Variants in DMD observed in about 807,000 individuals in gnomAD.
DMD encodes the protein mutant dystrophin.
A neutral mutation model predicts 330.1 loss-of-function variants in DMD; 63 were observed. The observed-to-expected ratio is 0.19, with a 90% confidence interval of 0.16 to 0.24. The LOEUF is 0.24. DMD is among the 10% of genes least tolerant of loss of function. The pLI is 1.00. For synonymous variants in DMD, 1,223 were observed against 959.8 expected (o/e 1.27, Z -5.07); for missense variants, 3,344 against 2,684.1 (o/e 1.25, Z -5.43).
chrX:32,476,223 A>C (rs2041222441), intron 21 of DMD, among the ~76,000 whole-genome samples: 1 of 111,307 alleles, frequency 9.0e-6, no homozygotes, highest in Admixed American at 9.6e-5. Context: ...GAAACACTTC[A>C]GTCTCTGAAT....
At chrX:31,634,872 T>C (rs1290562009) in intron 54 of DMD, among the ~76,000 whole-genome samples, 5 of 111,642 alleles carry the variant, frequency 4.5e-5, no homozygotes, top group African/African-American at 1.6e-4. Flanking sequence ...AATTAGTTGA[T>C]AAAGAAATGT....
chrX:32,186,072 A>C (rs2147518199), intron 44 of DMD, among the ~76,000 whole-genome samples: 1 of 111,082 alleles, frequency 9.0e-6, no homozygotes, highest in East Asian at 2.8e-4. Context: ...TTAAATGAAC[A>C]AGATCTGACA....
At chrX:32,328,593 T>A (rs763724014) in intron 41 of DMD, among the ~76,000 whole-genome samples, 1 of 110,386 alleles carries the variant, frequency 9.1e-6, no homozygotes, top group Non-Finnish European at 1.9e-5. Context: ...GCAACCAATA[T>A]AGAAACTTAG....
chrX:31,910,358 T>G (rs1314443570), intron 47 of DMD, among the ~76,000 whole-genome samples: 2 of 111,386 alleles, frequency 1.8e-5, no homozygotes, highest in Non-Finnish European at 3.8e-5. Context: ...CTTAGGTTAT[T>G]CTCCTTCTAA....
At chrX:32,903,571 G>C (rs1377612957) in intron 2 of DMD, among the ~76,000 whole-genome samples, 1 of 111,453 alleles carries the variant, frequency 9.0e-6, no homozygotes, top group Non-Finnish European at 1.9e-5. Context: ...CAGAGATTCT[G>C]ATTTAATTTA....
At chrX:31,278,925 G>C (rs1435128798) in intron 62 of DMD, among the ~76,000 whole-genome samples, 4 of 112,065 alleles carry the variant, frequency 3.6e-5, no homozygotes, top group Non-Finnish European at 5.6e-5. Context: ...TAATTATCAT[G>C]ATTTTTAAAA....
intron 9 of DMD, among the ~76,000 whole-genome samples, chrX:32,676,888 A>C (rs2062010504): frequency 1.8e-5 from 2 of 111,397 alleles, no homozygotes; most frequent in East Asian, 2.8e-4. Flanking sequence ...TCCTATCTTC[A>C]GTTTTCTCTA....
intron 4 of DMD, among the ~76,000 whole-genome samples, chrX:32,827,379 G>C (rs939972650): frequency 2.7e-5 from 3 of 111,191 alleles, no homozygotes; most frequent in Admixed American, 9.6e-5. Context: ...ATTGGGAATT[G>C]GAGATATTAT....
chrX:31,157,303 T>C (rs1233532887), intron 74 of DMD, among the ~76,000 whole-genome samples: 1 of 112,175 alleles, frequency 8.9e-6, no homozygotes, highest in Non-Finnish European at 1.9e-5. Flanking sequence ...CCTGATCAGA[T>C]GCTAATTCAT....
chrX:32,090,059 C>T (rs1269469203), intron 44 of DMD, among the ~76,000 whole-genome samples: 3 of 111,469 alleles, frequency 2.7e-5, no homozygotes, highest in South Asian at 3.7e-4. Flanking sequence ...AATAACAACC[C>T]GTAGTAAATA....
Position 31,478,187 on chromosome X carries a change from T to C in DMD, c.8856A>G (p.Gln2952=), listed in dbSNP as rs745428533. ...ATDELDLKLR[Q]AEVIKGSWQP... ...GCCAGGATCCCTTGATCACCTCAGCTTGGCGCAGCTTGAGGTCCAGCTCAT... is the reference window on the plus strand; with the variant it reads ...GCCAGGATCCCTTGATCACCTCAGCCTGGCGCAGCTTGAGGTCCAGCTCAT... Residue 2952 remains glutamine (Q), a synonymous_variant, in exon 59 of 79, where the codon CAA becomes CAG. Coordinates refer to ENST00000357033, the MANE Select transcript of DMD (RefSeq NM_004006.3). The C allele has an allele frequency of 5.0e-6, 6 of 1,211,076 alleles. No homozygotes were observed. The South Asian group carries it at 8.8e-5, about 18-fold the overall frequency.
At chrX:31,575,647 G>A (rs888924103) in intron 55 of DMD, among the ~76,000 whole-genome samples, 1 of 111,909 alleles carries the variant, frequency 8.9e-6, no homozygotes. Flanking sequence ...AGGTAAGTAA[G>A]TGCCAAGCTT....
intron 1 of DMD, among the ~76,000 whole-genome samples, chrX:33,049,518 A>G (rs1417902088): frequency 9.0e-6 from 1 of 111,421 alleles, no homozygotes; most frequent in Non-Finnish European, 1.9e-5. Context: ...AGGAAAAGAT[A>G]ATGAAAAAGC....
At chrX:32,870,953 T>C (rs191593994) in intron 2 of DMD, among the ~76,000 whole-genome samples, 142 of 28,278 alleles carry the variant, frequency 5.0e-3, no homozygotes, top group African/African-American at 0.019. Flanking sequence ...AAGGCTTCTG[T>C]ACAGCAAAAA....
At chrX:33,332,049 A>G (rs911621701) in intron 1 of DMD, among the ~76,000 whole-genome samples, 1 of 111,854 alleles carries the variant, frequency 8.9e-6, no homozygotes, top group Non-Finnish European at 1.9e-5. Context: ...GCTTTCCAAC[A>G]CTATCAAAGG....
At chrX:31,228,364 G>T (rs2147142917) in intron 63 of DMD, among the ~76,000 whole-genome samples, 1 of 110,126 alleles carries the variant, frequency 9.1e-6, no homozygotes, top group Non-Finnish European at 1.9e-5. Context: ...TCTGGTAACT[G>T]TCAGTGAACT....
At chrX:32,210,076 A>G (rs2097087816) in intron 44 of DMD, among the ~76,000 whole-genome samples, 1 of 111,651 alleles carries the variant, frequency 9.0e-6, no homozygotes, top group Admixed American at 9.6e-5. Context: ...ATATTTACGC[A>G]AGGATGAAGT....
chrX:31,776,999 C>A (rs1488716590), intron 50 of DMD, among the ~76,000 whole-genome samples: 1 of 111,793 alleles, frequency 8.9e-6, no homozygotes. Context: ...GAGGGGAAAC[C>A]TTATCAGACT....
intron 9 of DMD, among the ~76,000 whole-genome samples, chrX:32,691,805 A>G (rs761679375): frequency 9.0e-6 from 1 of 111,556 alleles, no homozygotes; most frequent in African/African-American, 3.2e-5. Flanking sequence ...GTATATACAT[A>G]CAAGAGATTA....
Sources: gnomAD v4.1 joint callset for allele counts (sites outside exome capture counted in the v4.1 genomes callset) on GRCh38, gnomAD v4.1.1 for gene constraint, MANE v1.5 for transcripts, NCBI Gene and HGNC (gene_info 2026-07-23, HGNC 2026-07-21) for gene names.